The following CDH4 variants were observed in gnomAD, a reference collection of about 807,000 sequenced individuals.
CDH4 encodes cadherin-4.
In CDH4, 33 loss-of-function variants were observed where a neutral mutation model predicts 86.0. The observed-to-expected ratio is 0.38, with a 90% CI of 0.29 to 0.51. The LOEUF (loss-of-function observed/expected upper bound fraction) is 0.51, where lower values mean the gene tolerates loss of function less well. CDH4 is among the 20% of genes least tolerant of loss of function. CDH4 has a pLI of 0.86. For missense variants in CDH4, 1,114 were observed against 1,307.4 expected (o/e 0.85, Z 2.28); for synonymous variants, 555 against 549.4 (o/e 1.01, Z -0.14).
chr20:61,626,631 C>G (rs1309985777), intron 2 of CDH4, among the ~76,000 whole-genome samples: 3 of 152,184 alleles, frequency 2.0e-5, no homozygotes, highest in Non-Finnish European at 4.4e-5. Context: ...TTTTTCCACG[C>G]CCGGGCTTAG....
At chr20:61,738,410 A>C (rs1377266241) in intron 2 of CDH4, 1 of 151,788 alleles carries the variant, frequency 6.6e-6, no homozygotes, top group East Asian at 1.9e-4. Context: ...TGGCACCTGC[A>C]TTTCCTCACA....
In CDH4 at chr20:61,869,334, C is replaced by T. The variant is rs752089723; in HGVS notation, c.878-4394C>T. ...ATGGTTTGATGGGAACACAGCCGTG[C>T]CCATTGCTGGACGCATCCTCTCAGG... On this transcript the variant is annotated intron_variant, in intron 6 of 15. Transcript: ENST00000614565. 3.9e-5 allele frequency among the ~76,000 whole-genome samples: 6 copies of T among 152,220 alleles called. No individual in the cohort carries two copies. In the South Asian group the frequency reaches 6.2e-4, roughly 16 times the overall value.
At chr20:61,450,568 A>C (rs2085373837) in intron 2 of CDH4, among the ~76,000 whole-genome samples, 1 of 152,066 alleles carries the variant, frequency 6.6e-6, no homozygotes, top group African/African-American at 2.4e-5. Context: ...TGATATTGAA[A>C]TATGCTTTCG....
intron 1 of CDH4, among the ~76,000 whole-genome samples, chr20:61,253,120 C>T (rs962257116): frequency 1.3e-5 from 2 of 151,536 alleles, no homozygotes; most frequent in African/African-American, 4.8e-5. Flanking sequence ...CCGGCAGGAC[C>T]CGCGCTGCGG....
At chr20:61,545,815 T>C (rs1387106618) in intron 2 of CDH4, among the ~76,000 whole-genome samples, 1 of 149,318 alleles carries the variant, frequency 6.7e-6, no homozygotes, top group Non-Finnish European at 1.5e-5. Flanking sequence ...ATACGGTGCG[T>C]GTTCACATGT....
chr20:61,380,018 C>T (rs749624982), intron 2 of CDH4, among the ~76,000 whole-genome samples: 3 of 152,004 alleles, frequency 2.0e-5, no homozygotes, highest in Non-Finnish European at 4.4e-5. Flanking sequence ...TTGACATTGT[C>T]CTGGGAAGCT....
At chr20:61,403,018 A>G (rs1159452502) in intron 2 of CDH4, among the ~76,000 whole-genome samples, 2 of 152,214 alleles carry the variant, frequency 1.3e-5, no homozygotes, top group Admixed American at 1.3e-4. Flanking sequence ...GACCACTGTG[A>G]TTAAGTGGAA....
intron 2 of CDH4, among the ~76,000 whole-genome samples, chr20:61,558,594 G>T (rs971455722): frequency 6.6e-6 from 1 of 152,236 alleles, no homozygotes; most frequent in African/African-American, 2.4e-5. Flanking sequence ...CTCAGGAAAT[G>T]CGTATCAGGC....
At chr20:61,633,905 G>A (rs973041082) in intron 2 of CDH4, among the ~76,000 whole-genome samples, 71 of 152,158 alleles carry the variant, frequency 4.7e-4, no homozygotes, top group Admixed American at 4.6e-3. Flanking sequence ...AGAAACACGA[G>A]GGCTTTCTGT....
chr20:61,289,125 TG>T (rs1568783306), intron 2 of CDH4, among the ~76,000 whole-genome samples: 1 of 152,226 alleles, frequency 6.6e-6, no homozygotes, highest in Non-Finnish European at 1.5e-5. Context: ...AGCAAGATTC[TG>T]GGGTGATGGG....
At chr20:61,790,564 A>C (rs1408064977) in intron 4 of CDH4, among the ~76,000 whole-genome samples, 1 of 144,228 alleles carries the variant, frequency 6.9e-6, no homozygotes, top group Non-Finnish European at 1.5e-5. Flanking sequence ...CCCACCATCC[A>C]TCTATTTATC....
chr20:61,770,520 G>T (rs1055885477), intron 3 of CDH4, among the ~76,000 whole-genome samples: 1 of 152,248 alleles, frequency 6.6e-6, no homozygotes, highest in Non-Finnish European at 1.5e-5. Flanking sequence ...ACGCATGGAC[G>T]CCGCATATAC....
chr20:61,557,139 C>T (rs997828751), intron 2 of CDH4, among the ~76,000 whole-genome samples: 5 of 152,176 alleles, frequency 3.3e-5, no homozygotes, highest in South Asian at 2.1e-4. Context: ...CTAAAAAGGT[C>T]GGGATTGATG....
chr20:61,471,087 T>C (rs2085499415), intron 2 of CDH4, among the ~76,000 whole-genome samples: 1 of 152,112 alleles, frequency 6.6e-6, no homozygotes, highest in Non-Finnish European at 1.5e-5. Flanking sequence ...CTCCTCTATT[T>C]TTCAGAATCT....
In CDH4 at chr20:61,605,369, C is replaced by T. The variant is rs554752781; in HGVS notation, c.170-138194C>T. Among the ~76,000 whole-genome samples the T allele has an allele frequency of 6.2e-3, 941 of 151,958 alleles. 3 individuals carry two copies. Among genetic ancestry groups the T allele is most frequent in the Middle Eastern group, 0.024 (7 of 294 alleles). ...TCTCTCTGTCTCCCTATTTGTCTTT[C>T]TCTCCCTCTCTGTATCTCTGTCTCT... On this transcript the variant is annotated intron_variant, in intron 2 of 15. Transcript: ENST00000614565.
At chr20:61,830,734 C>T (rs1981564161) in intron 4 of CDH4, among the ~76,000 whole-genome samples, 1 of 152,266 alleles carries the variant, frequency 6.6e-6, no homozygotes, top group South Asian at 2.1e-4. Flanking sequence ...TGCAGAGCGG[C>T]AGGAGCGGGC....
chr20:61,514,313 C>CT (rs1298177259), intron 2 of CDH4, among the ~76,000 whole-genome samples: 2 of 129,984 alleles, frequency 1.5e-5, no homozygotes, highest in African/African-American at 3.7e-5. Context: ...TCCGCCCCCC[C>CT]CGCCCCCCCC....
chr20:61,924,357 C>A lies in CDH4; in HGVS notation c.1652C>A (p.Ala551Glu). ...AVRYSKLSDP[A>E]SWLHINATNG... ...AGATACTCAAAGCTGTCAGACCCAG[C>A]GAGCTGGCTGCACATCAATGCCACC... Residue 551 changes from alanine (A) to glutamate (E), a missense_variant, in exon 11 of 16, where the codon GCG becomes GAG. Ala to Glu is a moderately radical substitution (Grantham distance 107, BLOSUM62 -1). Coordinates refer to ENST00000614565, the MANE Select transcript of CDH4 (RefSeq NM_001794.5). The A allele has an allele frequency of 6.2e-7, 1 of 1,613,586 alleles. No homozygotes were observed. The highest frequency in any genetic ancestry group is 1.3e-5 in the African/African-American group (1 of 74,988).
At chr20:61,878,197 G>A (rs750697250) in intron 7 of CDH4, among the ~76,000 whole-genome samples, 13 of 152,174 alleles carry the variant, frequency 8.5e-5, no homozygotes, top group Non-Finnish European at 1.2e-4. Context: ...GCACGTGCCC[G>A]GCAGCAGGAC....
Sources: allele counts gnomAD v4.1 joint callset (sites outside exome capture counted in the v4.1 genomes callset), GRCh38; gene constraint gnomAD v4.1.1; transcripts MANE v1.5; gene names NCBI Gene and HGNC (gene_info 2026-07-23, HGNC 2026-07-21).